PZP: variants seen among roughly 807,000 people sequenced by gnomAD.
The protein encoded by PZP is PZP alpha-2-macroglobulin like, also known as pregnancy zone protein.
PZP carries 150 observed loss-of-function variants against 179.8 expected under a neutral mutation model. That is an observed-to-expected ratio of 0.83 (90% CI 0.73 to 0.96). PZP has a LOEUF of 0.96. PZP is among the 40% of genes least tolerant of loss of function. PZP has a pLI of 0.00. For synonymous variants in PZP, 624 were observed against 652.3 expected, an observed-to-expected ratio of 0.96 and a Z score of 0.66; for missense variants, 1,689 against 1,764.0, an observed-to-expected ratio of 0.96 and a Z score of 0.76.
rs762052052 is a variant in PZP, at chr12:9,196,378, G to T, written c.1044C>A (p.Phe348Leu). The T allele has an allele frequency of 1.2e-6, 2 of 1,613,758 alleles. No homozygotes were observed. Among genetic ancestry groups the T allele is most frequent in the Non-Finnish European group, 8.5e-7 (1 of 1,179,756 alleles). Residue 348 changes from phenylalanine (F) to leucine (L), a missense_variant, in exon 10 of 36, where the codon TTC becomes TTA. Physicochemically the swap from Phe to Leu is conservative, Grantham distance 22. This residue lies in a region of PZP where 742 missense variants were observed against 730.5 expected (regional missense o/e 1.02). Coordinates refer to ENST00000261336, the MANE Select transcript of PZP (RefSeq NM_002864.3). ...GTCTAAAGTGTGAATCCACTTTCACGAATTTGAGTTTGGATACAATGTTTG... is the reference window on the plus strand; with the variant it reads ...GTCTAAAGTGTGAATCCACTTTCACTAATTTGAGTTTGGATACAATGTTTG... ...EITNIVSKLKFVKVDSHFRQG... is the reference protein window; with the variant it reads ...EITNIVSKLKLVKVDSHFRQG...
intron 25 of PZP, 42 bp downstream of exon 25, chr12:9,159,896 C>T: frequency 6.6e-7 from 1 of 1,520,550 alleles, no homozygotes; most frequent in Non-Finnish European, 9.1e-7. Flanking sequence ...TGTGCACGTT[C>T]TGAACTCATA....
rs999415325 is a variant in PZP, at chr12:9,170,743, C to T, written c.1840-1152G>A. Among the ~76,000 whole-genome samples the T allele has an allele frequency of 6.6e-6, 1 of 152,214 alleles. No homozygotes were observed. The highest frequency in any genetic ancestry group is 1.5e-5 in the Non-Finnish European group (1 of 68,038). ...GCCTTGCCAGATTGTGATCAGACTG[C>T]TTCTTTAAGTGGGACCCTGATCCAT... On this transcript the variant is annotated intron_variant, in intron 15 of 35. Coordinates refer to ENST00000261336, the MANE Select transcript of PZP (RefSeq NM_002864.3). This position sits in a 1 kb window ranked among gnomAD's most constrained non-coding sequence, Gnocchi z 4.6.
In PZP at chr12:9,170,561, G is replaced by A. The variant is rs948891705; in HGVS notation, c.1840-970C>T. Among the ~76,000 whole-genome samples the A allele has an allele frequency of 6.6e-6, 1 of 152,144 alleles. No homozygotes were observed. Among genetic ancestry groups the A allele is most frequent in the East Asian group, 1.9e-4 (1 of 5,188 alleles). ...TGTCTTGGAATCTCAGCCAGCCGAC[G>A]GCAGTGGGTTGGAGTCCACCTGAGA... is the stretch of plus-strand genomic sequence containing the variant. On this transcript the variant is annotated intron_variant, in intron 15 of 35. Coordinates refer to ENST00000261336, the MANE Select transcript of PZP (RefSeq NM_002864.3). The surrounding 1 kb of genome is among the most constrained non-coding windows in gnomAD (Gnocchi z 4.6).
intron 11 of PZP, among the ~76,000 whole-genome samples, chr12:9,193,030 C>G (rs1943547201): frequency 6.6e-6 from 1 of 152,150 alleles, no homozygotes; most frequent in Non-Finnish European, 1.5e-5. Flanking sequence ...ATAAATAACT[C>G]AAACAAGTGG....
In PZP at chr12:9,168,878, A is replaced by G; in HGVS notation, c.2098T>C (p.Tyr700His). The change falls in exon 17 of 36, where the codon TAC (tyrosine) becomes CAC (histidine). Residue 700 changes from tyrosine to histidine, a missense_variant. Tyr to His is a moderately conservative substitution (Grantham distance 83, BLOSUM62 2). This residue lies in a region of PZP where 201 missense variants were observed against 284.2 expected (regional missense o/e 0.71). Transcript: ENST00000261336. ...CAAATTGCTGTTTTACCTCCATAGT[A>G]TCCTTGACCTACTGCTCCTGCAGAC... ...SVSAGAVGQG[Y>H]YGAGLGVVER... 1 of 1,613,018 alleles carries G rather than the reference A, an allele frequency of 6.2e-7. No individual in the cohort carries two copies. Among genetic ancestry groups the G allele is most frequent in the Non-Finnish European group, 8.5e-7 (1 of 1,179,110 alleles).
At chr12:9,195,611 ATTTTTTTTTT>A (rs11398106) in intron 10 of PZP, among the ~76,000 whole-genome samples, 2 of 104,248 alleles carry the variant, frequency 1.9e-5, no homozygotes, top group African/African-American at 7.3e-5. Context: ...CCCACTGCTA[ATTTTTTTTTT>A]TTTTTTTTTT....
chr12:9,200,893 A>G lies in PZP; in HGVS notation c.669T>C (p.Phe223=). The G allele has an allele frequency of 1.2e-6, 2 of 1,611,350 alleles. No homozygotes were observed. ...RIQHPFTVEE[F]VLPKFEVKVQ... ...TTTTTCATCTTCCATAATCCATACCAAATTCCTCCACGGTGAAGGGGTGCT... is the reference window on the plus strand; with the variant it reads ...TTTTTCATCTTCCATAATCCATACCGAATTCCTCCACGGTGAAGGGGTGCT... Residue 223 remains phenylalanine (F), a splice_region_variant and synonymous_variant, in exon 6 of 36, where the codon TTT becomes TTC. Coordinates refer to ENST00000261336, the MANE Select transcript of PZP (RefSeq NM_002864.3).
rs190608135 is a variant in PZP, at chr12:9,177,689, C to T, written c.1839+3294G>A. ...TAATGATTTCTATTATTATTCAAAG[C>T]GACCACGCTTAAACGTTTCTATAAC... On this transcript the variant is annotated intron_variant, in intron 15 of 35. Transcript: ENST00000261336. 9.2e-5 allele frequency among the ~76,000 whole-genome samples: 14 copies of T among 152,284 alleles called. No individual in the cohort carries two copies. In the East Asian group the frequency reaches 2.1e-3, roughly 23 times the overall value.
In PZP at chr12:9,192,211, G is replaced by A. The variant is rs747025751; in HGVS notation, c.1528C>T (p.Pro510Ser). 5 of 1,613,826 alleles carry A rather than the reference G, an allele frequency of 3.1e-6. No individual in the cohort carries two copies. Among genetic ancestry groups the A allele is most frequent in the Middle Eastern group, 1.6e-4 (1 of 6,062 alleles). The stretch of plus-strand genomic sequence containing the variant: ...TACTCACTGTCTCCTGACTCCACAG[G>A]CAGAGTGTGGGTTCCAGATCTGACG... The part of the protein sequence containing the change: ...VIVRSGTHTL[P>S]VESGDMKGSF... Residue 510 changes from proline to serine, a missense_variant, in exon 13 of 36, where the codon CCT becomes TCT. By Grantham distance (74) the Pro-to-Ser change is moderately conservative. Transcript: ENST00000261336.
At chr12:9,200,698 CAAAGCG>C (rs1944105094) in intron 6 of PZP, among the ~76,000 whole-genome samples, 188 bp downstream of exon 6, 1 of 152,120 alleles carries the variant, frequency 6.6e-6, no homozygotes, top group African/African-American at 2.4e-5. Context: ...TCATACTTGG[CAAAGCG>C]TAATTTGCTA....
At chr12:9,206,534 A>G (rs1944447664) in intron 1 of PZP, among the ~76,000 whole-genome samples, 1 of 152,236 alleles carries the variant, frequency 6.6e-6, no homozygotes, top group Non-Finnish European at 1.5e-5. Context: ...GACTAAATGT[A>G]GCAAATATTA....
At chr12:9,154,484 G>T in intron 29 of PZP, 132 bp downstream of exon 29, 1 of 902,876 alleles carries the variant, frequency 1.1e-6, no homozygotes, top group Non-Finnish European at 1.7e-6. Context: ...AAATTCTCAT[G>T]GTCCTCAAAT....
intron 32 of PZP, 25 bp from the exon 33 acceptor site, chr12:9,151,697 T>A (rs914422068): frequency 6.3e-7 from 1 of 1,594,970 alleles, no homozygotes; most frequent in Non-Finnish European, 8.6e-7. Context: ...AAAACTTCAG[T>A]TAAAGTTAGA....
chr12:9,161,983 TAA>T (rs949896671), intron 22 of PZP, among the ~76,000 whole-genome samples: 5 of 152,052 alleles, frequency 3.3e-5, no homozygotes, highest in Non-Finnish European at 7.4e-5. Flanking sequence ...TTTGTTTTTT[TAA>T]GAGTCTCACT....
intron 15 of PZP, among the ~76,000 whole-genome samples, chr12:9,178,051 C>T (rs867137524): frequency 4.6e-5 from 7 of 152,232 alleles, no homozygotes; most frequent in Middle Eastern, 3.4e-3. Flanking sequence ...AATTATTACG[C>T]TATGAGGAGA....
At chr12:9,196,774 C>CTTTT in intron 8 of PZP, 89 bp from the exon 9 acceptor site, 1 of 991,766 alleles carries the variant, frequency 1.0e-6, no homozygotes, top group Non-Finnish European at 1.5e-6. Context: ...GACAAGAAAA[C>CTTTT]TTTTTTTTTG....
At chr12:9,157,985 G>T in intron 26 of PZP, 144 bp from the exon 27 acceptor site, 2 of 736,884 alleles carry the variant, frequency 2.7e-6, no homozygotes, top group East Asian at 2.7e-5. Flanking sequence ...ACAGGTTCTT[G>T]CTCTGTAGCT....
Position 9,208,314 on chromosome 12 carries a change from A to T in PZP, c.28T>A (p.Cys10Ser), listed in dbSNP as rs763159081. MRKDRLLHL[C>S]LVLLLILLSA... is the part of the protein sequence containing the mutation. ...AGCAGGATAAGAAGTAGCACAAGAC[A>T]TAAATGAAGAAGTCTGTCTTTCCGC... is the stretch of plus-strand genomic sequence containing the variant. The change falls in exon 1 of 36, where the codon TGT (cysteine) becomes AGT (serine). Residue 10 changes from cysteine to serine, a missense_variant. Physicochemically the swap from Cys to Ser is moderately radical, Grantham distance 112. Transcript: ENST00000261336. 6.8e-6 allele frequency: 11 copies of T among 1,613,674 alleles called. No homozygotes were observed. The highest frequency in any genetic ancestry group is 9.3e-6 in the Non-Finnish European group (11 of 1,179,638).
downstream of PZP, among the ~76,000 whole-genome samples, chr12:9,146,667 C>G (rs1307571378): frequency 6.6e-6 from 1 of 152,176 alleles, no homozygotes; most frequent in East Asian, 1.9e-4. Context: ...TATCAATCAG[C>G]CTTGTTGGAG....
Sources: allele counts gnomAD v4.1 joint callset (sites outside exome capture counted in the v4.1 genomes callset), GRCh38; gene constraint gnomAD v4.1.1; regional missense constraint gnomAD v4.1.1; non-coding constraint Gnocchi (gnomAD v3.1); transcripts MANE v1.5; gene names NCBI Gene and HGNC (gene_info 2026-07-23, HGNC 2026-07-21).